MGAT5B: variants seen among roughly 807,000 people sequenced by gnomAD.
MGAT5B encodes alpha-1,6-mannosylglycoprotein 6-beta-N-acetylglucosaminyltransferase B, also known as N-acetylglucosaminyl-transferase Vb.
MGAT5B carries 54 observed loss-of-function variants against 95.1 expected under a neutral mutation model. The ratio of observed to expected loss-of-function variants is 0.57; its 90% CI spans 0.46 to 0.71. The LOEUF is 0.71. Among genes scored for constraint, MGAT5B ranks in the 30% least tolerant of loss-of-function variants. MGAT5B has a pLI of 0.00. For synonymous variants in MGAT5B, 464 were observed against 451.0 expected, an observed-to-expected ratio of 1.03 and a Z score of -0.36; for missense variants, 935 against 1,088.6, an observed-to-expected ratio of 0.86 and a Z score of 1.99.
At chr17:76,920,441 G>A (rs1450102128) in intron 8 of MGAT5B, among the ~76,000 whole-genome samples, 1 of 152,200 alleles carries the variant, frequency 6.6e-6, no homozygotes, top group East Asian at 1.9e-4. Flanking sequence ...TCATGTCACT[G>A]CTCCAGCCAA....
Position 76,882,273 on chromosome 17 carries a change from G to A in MGAT5B, c.304G>A (p.Gly102Ser), listed in dbSNP as rs755042513. 23 of 1,612,812 alleles carry A rather than the reference G, an allele frequency of 1.4e-5. No homozygotes were observed. Among genetic ancestry groups the A allele is most frequent in the East Asian group, 2.2e-5 (1 of 44,854 alleles). ...ENSSELHRAG[G>S]DLHFPADRMP... ...CAGCAGTGAGCTGCACCGGGCCGGC[G>A]GCGACCTGCACTTTCCCGCAGACAG... Residue 102 changes from glycine (G) to serine (S), a missense_variant, in exon 3 of 18, where the codon GGC (glycine) becomes AGC (serine). This residue lies in a region of MGAT5B where 243 missense variants were observed against 228.2 expected (regional missense o/e 1.06). Transcript: ENST00000569840.
intron 10 of MGAT5B, among the ~76,000 whole-genome samples, chr17:76,929,800 C>T (rs1969425416): frequency 6.6e-6 from 1 of 152,188 alleles, no homozygotes; most frequent in Admixed American, 6.5e-5. Context: ...CTCGCTCTGC[C>T]CCCAGGAGCT....
In MGAT5B at chr17:76,903,395, G is replaced by T. The variant is rs1228925763; in HGVS notation, c.519+19G>T. 6.2e-7 allele frequency: 1 copy of T among 1,600,158 alleles called. No homozygotes were observed. Among genetic ancestry groups the T allele is most frequent in the Non-Finnish European group, 8.5e-7 (1 of 1,171,712 alleles). On this transcript the variant is annotated intron_variant, in intron 5 of 17. Coordinates refer to ENST00000569840, the MANE Select transcript of MGAT5B (RefSeq NM_001199172.2). The stretch of plus-strand genomic sequence containing the variant: ...GGTGGAGGTGAGGCCTGGGGCTGAG[G>T]GGTGGGGATGTCTACAGCTAGGGCC...
Position 76,940,771 on chromosome 17 carries a change from A to T in MGAT5B, c.1771A>T (p.Lys591Ter). The change falls in exon 15 of 18, where the codon AAG becomes TAG. Residue 591 changes from lysine (K) to a stop codon, truncating the protein, a stop_gained. Transcript: ENST00000569840. LOFTEE classifies it high-confidence loss of function. The surrounding 1 kb of genome is among the most constrained non-coding windows in gnomAD (Gnocchi z 4.3). ...TCCCTACGCGGAGAACTTCATCGGC[A>T]AGCCCCACGTGTGGACAGTCGACTA... Reference protein sequence around the residue: ...QHPYAENFIGKPHVWTVDYNN... With the variant: ...QHPYAENFIG The T allele has an allele frequency of 6.2e-7, 1 of 1,614,140 alleles. No homozygotes were observed. The highest frequency in any genetic ancestry group is 8.5e-7 in the Non-Finnish European group (1 of 1,180,018).
intron 2 of MGAT5B, among the ~76,000 whole-genome samples, chr17:76,876,764 C>G (rs990272275): frequency 5.9e-5 from 9 of 152,198 alleles, no homozygotes; most frequent in African/African-American, 2.2e-4. Context: ...GCACACTCAT[C>G]TTAAAGATTC....
At chr17:76,882,958 C>T (rs1212275707) in intron 3 of MGAT5B, among the ~76,000 whole-genome samples, 7 of 151,572 alleles carry the variant, frequency 4.6e-5, no homozygotes. Flanking sequence ...CATGATCCAC[C>T]CGTTTGGCCT....
chr17:76,919,533 G>C (rs529974449), intron 8 of MGAT5B, among the ~76,000 whole-genome samples: 1 of 152,198 alleles, frequency 6.6e-6, no homozygotes, highest in Non-Finnish European at 1.5e-5. Flanking sequence ...AGGTTCAAAC[G>C]ATTCTCCCAC....
rs145668081 is a variant in MGAT5B at position 76,872,925 on chromosome 17, G to C, written c.143G>C (p.Arg48Pro). ...MTSLGGQFSA[R>P]RLGDSPFTIR... ...TCTCTGGGAGGCCAGTTCTCGGCCCGGCGCCTGGGGGACTCGCCATTCACC... is the reference window on the plus strand; with the variant it reads ...TCTCTGGGAGGCCAGTTCTCGGCCCCGCGCCTGGGGGACTCGCCATTCACC... Residue 48 changes from arginine to proline, a missense_variant, in exon 2 of 18, where the codon CGG (arginine) becomes CCG (proline). Physicochemically the swap from Arg to Pro is moderately radical, Grantham distance 103 (BLOSUM62 -2). Around this residue, in one of 4 missense-constraint regions of MGAT5B, gnomAD observed 243 missense variants for 228.2 expected, o/e 1.06. Coordinates refer to ENST00000569840, the MANE Select transcript of MGAT5B (RefSeq NM_001199172.2). 2 of 1,614,122 alleles carry C rather than the reference G, an allele frequency of 1.2e-6. No homozygotes were observed. Among genetic ancestry groups the C allele is most frequent in the African/African-American group, 1.3e-5 (1 of 75,042 alleles).
chr17:76,933,158 C>A, intron 11 of MGAT5B, 134 bp from the exon 12 acceptor site: 1 of 1,078,156 alleles, frequency 9.3e-7, no homozygotes, highest in Non-Finnish European at 1.4e-6. Context: ...GCAGGAGAGG[C>A]TTAGAGATTA....
intron 2 of MGAT5B, among the ~76,000 whole-genome samples, chr17:76,879,624 A>C (rs1967330560): frequency 6.6e-6 from 1 of 152,104 alleles, no homozygotes. Context: ...GGAGTTGTAG[A>C]AAGCAGTGGC....
Position 76,869,373 on chromosome 17 carries a change from G to C in MGAT5B, c.68+276G>C, listed in dbSNP as rs1598877145. Among the ~76,000 whole-genome samples, 3 of 152,170 alleles carry C rather than the reference G, an allele frequency of 2.0e-5. No individual in the cohort carries two copies. The East Asian group carries it at 5.8e-4, about 30-fold the overall frequency. On this transcript the variant is annotated intron_variant, in intron 1 of 17. Coordinates refer to ENST00000569840, the MANE Select transcript of MGAT5B (RefSeq NM_001199172.2). The surrounding 1 kb of genome is among the most constrained non-coding windows in gnomAD (Gnocchi z 7.0). ...TAAGAATGGGGGCAGAAAACCCCCAGGTCGTGGTCCTGGGCCCAGAAAGTT... is the reference window on the plus strand; with the variant it reads ...TAAGAATGGGGGCAGAAAACCCCCACGTCGTGGTCCTGGGCCCAGAAAGTT...
chr17:76,931,095 AATT>A (rs1206964927), intron 10 of MGAT5B, among the ~76,000 whole-genome samples: 2 of 152,158 alleles, frequency 1.3e-5, no homozygotes, highest in Non-Finnish European at 2.9e-5. Context: ...TTATTTTAAC[AATT>A]ATTATTATTG....
intron 8 of MGAT5B, among the ~76,000 whole-genome samples, chr17:76,909,333 C>T (rs1220995897): frequency 6.6e-6 from 1 of 152,192 alleles, no homozygotes; most frequent in Non-Finnish European, 1.5e-5. Flanking sequence ...ACCAAACCAA[C>T]CTCTCTTTAT....
rs563269440 is a variant in MGAT5B at position 76,937,011 on chromosome 17, T to C, written c.1429-977T>C. On this transcript the variant is annotated intron_variant, in intron 12 of 17. Transcript: ENST00000569840. ...TTTGATTGGGATTTCAATGTTTTTT[T>C]TTTTTTTTGAGTTCTGGAAAATGAA... Among the ~76,000 whole-genome samples, 351 of 152,242 alleles carry C rather than the reference T, an allele frequency of 2.3e-3. 2 individuals are homozygous for C. Among genetic ancestry groups the C allele is most frequent in the African/African-American group, 8.1e-3 (336 of 41,574 alleles).
intron 12 of MGAT5B, 47 bp from the exon 13 acceptor site, chr17:76,937,941 T>G (rs1969729931): frequency 3.7e-6 from 6 of 1,604,136 alleles, no homozygotes; most frequent in Non-Finnish European, 5.1e-6. Context: ...GGACTTTGCC[T>G]TCTGTGGTTT....
At chr17:76,903,084 G>T (rs373218962) in intron 4 of MGAT5B, among the ~76,000 whole-genome samples, 9 of 152,278 alleles carry the variant, frequency 5.9e-5, no homozygotes, top group East Asian at 3.9e-4. Flanking sequence ...GCTGCTGAGT[G>T]GCTGTTCGCA....
rs1693956686 is a variant in MGAT5B, at chr17:76,930,611, C to T, written c.1292-2034C>T. On this transcript the variant is annotated intron_variant, in intron 10 of 17. Transcript: ENST00000569840. This position sits in a 1 kb window ranked among gnomAD's most constrained non-coding sequence, Gnocchi z 4.1. ...CGTAGGTCTCATGTTCCTCTTAACC[C>T]CTCCGTGGCGGACAGAGCTTTAGCA... is the stretch of plus-strand genomic sequence containing the variant. Among the ~76,000 whole-genome samples, 1 of 152,186 alleles carries T rather than the reference C, an allele frequency of 6.6e-6. No homozygotes were observed. Among genetic ancestry groups the T allele is most frequent in the Admixed American group, 6.5e-5 (1 of 15,280 alleles).
intron 2 of MGAT5B, among the ~76,000 whole-genome samples, chr17:76,877,543 T>A (rs867090408): frequency 2.7e-4 from 41 of 152,062 alleles, no homozygotes; most frequent in Admixed American, 2.2e-3. Context: ...CTGGGGCTCT[T>A]CTCTCAGGCT....
intron 1 of MGAT5B, 71 bp from the exon 2 acceptor site, chr17:76,872,780 C>T (rs201780073): frequency 1.3e-5 from 21 of 1,613,388 alleles, no homozygotes; most frequent in African/African-American, 6.7e-5. Flanking sequence ...TTTGTGCAGC[C>T]GGTACGTGGT....
Sources: allele counts gnomAD v4.1 joint callset (sites outside exome capture counted in the v4.1 genomes callset), GRCh38; gene constraint gnomAD v4.1.1; regional missense constraint gnomAD v4.1.1; non-coding constraint Gnocchi (gnomAD v3.1); transcripts MANE v1.5; gene names NCBI Gene and HGNC (gene_info 2026-07-23, HGNC 2026-07-21).